KCNAB1: variants seen among roughly 807,000 people sequenced by gnomAD.
The protein encoded by KCNAB1 is voltage-gated potassium channel subunit beta-1.
Under a neutral mutation model 64.6 loss-of-function variants are expected in KCNAB1, and 35 were observed. The observed-to-expected ratio is 0.54, with a 90% CI of 0.41 to 0.72. The LOEUF (loss-of-function observed/expected upper bound fraction) is 0.72. KCNAB1 is among the 30% of genes least tolerant of loss of function. The pLI, the probability that KCNAB1 is intolerant of heterozygous loss-of-function variation, is 0.00. For synonymous variants in KCNAB1, 177 were observed against 183.8 expected, an observed-to-expected ratio of 0.96 and a Z score of 0.30; for missense variants, 401 against 512.9, an observed-to-expected ratio of 0.78 and a Z score of 2.11.
At chr3:156,391,308 G>A (rs184955223) in intron 1 of KCNAB1, among the ~76,000 whole-genome samples, 43 of 152,076 alleles carry the variant, frequency 2.8e-4, no homozygotes, top group African/African-American at 8.9e-4. Flanking sequence ...ATCTACATCC[G>A]AGATTAACTA....
chr3:156,281,672 C>T (rs1576673860), intron 1 of KCNAB1, among the ~76,000 whole-genome samples: 2 of 152,012 alleles, frequency 1.3e-5, no homozygotes, highest in East Asian at 3.9e-4. Context: ...AGAGATTCAA[C>T]TTCTTCCTGG....
intron 8 of KCNAB1, among the ~76,000 whole-genome samples, chr3:156,490,472 A>T (rs1284888045): frequency 6.6e-6 from 1 of 152,124 alleles, no homozygotes. Flanking sequence ...TGTTCAAAGA[A>T]ACTATAATAT....
chr3:156,137,218 AT>A (rs1714398405), intron 1 of KCNAB1, among the ~76,000 whole-genome samples: 1 of 71,372 alleles, frequency 1.4e-5, no homozygotes, highest in Non-Finnish European at 2.9e-5. Context: ...TGTATCATAC[AT>A]TGGTGGGGGG....
At chr3:156,334,258 C>T (rs539604136) in intron 1 of KCNAB1, among the ~76,000 whole-genome samples, 27 of 152,306 alleles carry the variant, frequency 1.8e-4, no homozygotes, top group Admixed American at 9.2e-4. Flanking sequence ...AATAGAAATA[C>T]AGAGTTAAGT....
At chr3:156,403,135 G>A (rs1381928724) in intron 1 of KCNAB1, among the ~76,000 whole-genome samples, 1 of 152,110 alleles carries the variant, frequency 6.6e-6, no homozygotes, top group Non-Finnish European at 1.5e-5. Flanking sequence ...CATCTCTTCT[G>A]ATTTAAAAGG....
At chr3:156,340,817 T>C (rs1724055749) in intron 1 of KCNAB1, among the ~76,000 whole-genome samples, 1 of 152,202 alleles carries the variant, frequency 6.6e-6, no homozygotes, top group Non-Finnish European at 1.5e-5. Context: ...TATTGCTATG[T>C]CTTTATTGGC....
chr3:156,426,599 A>G (rs1254131236), intron 2 of KCNAB1, among the ~76,000 whole-genome samples: 1 of 152,160 alleles, frequency 6.6e-6, no homozygotes, highest in African/African-American at 2.4e-5. Context: ...GAATAGTTTC[A>G]CTGCTCTAAA....
chr3:156,471,397 A>T (rs553421996), intron 7 of KCNAB1, among the ~76,000 whole-genome samples: 2 of 152,102 alleles, frequency 1.3e-5, no homozygotes. Context: ...ATTTTCTTTG[A>T]GTAATTTATT....
At chr3:156,173,881 A>G (rs1260336060) in intron 1 of KCNAB1, among the ~76,000 whole-genome samples, 1 of 152,194 alleles carries the variant, frequency 6.6e-6, no homozygotes, top group East Asian at 1.9e-4. Flanking sequence ...TGAATAGAAC[A>G]AAAGATGGAG....
chr3:156,425,362 G>T (rs1281954590), intron 2 of KCNAB1, among the ~76,000 whole-genome samples: 1 of 152,194 alleles, frequency 6.6e-6, no homozygotes, highest in Non-Finnish European at 1.5e-5. Flanking sequence ...ATGTGTAAAT[G>T]GGAGTAGAAA....
intron 3 of KCNAB1, among the ~76,000 whole-genome samples, chr3:156,456,691 G>A (rs926936604): frequency 3.9e-5 from 6 of 152,236 alleles, no homozygotes; most frequent in Non-Finnish European, 5.9e-5. Context: ...TTTTTCAAAT[G>A]ACTAGTAAGT....
intron 1 of KCNAB1, chr3:156,291,891 C>T (rs778411838): frequency 6.2e-7 from 1 of 1,613,614 alleles, no homozygotes; most frequent in Non-Finnish European, 8.5e-7. Flanking sequence ...AGGGACCGTG[C>T]GCTGCCTGGG....
intron 1 of KCNAB1, among the ~76,000 whole-genome samples, chr3:156,339,396 T>C (rs1723947538): frequency 6.6e-6 from 1 of 152,146 alleles, no homozygotes; most frequent in African/African-American, 2.4e-5. Flanking sequence ...AAGTGCCTAC[T>C]CTGTGTTTAT....
chr3:156,468,150 T>C (rs1340642287), intron 7 of KCNAB1, among the ~76,000 whole-genome samples: 1 of 152,192 alleles, frequency 6.6e-6, no homozygotes, highest in Non-Finnish European at 1.5e-5. Flanking sequence ...CATTTGAGTA[T>C]TTTTATTCCA....
chr3:156,147,815 T>C (rs1174079022), intron 1 of KCNAB1, among the ~76,000 whole-genome samples: 2 of 152,070 alleles, frequency 1.3e-5, no homozygotes, highest in East Asian at 3.9e-4. Flanking sequence ...TAGCATGAGG[T>C]TGCACTTCTA....
At chr3:156,247,068 G>GA (rs1030175905) in intron 1 of KCNAB1, among the ~76,000 whole-genome samples, 7 of 151,378 alleles carry the variant, frequency 4.6e-5, no homozygotes, top group Admixed American at 1.3e-4. Context: ...GATTGACTGG[G>GA]AAAAAAAAAC....
chr3:156,406,309 C>A (rs943506486), intron 1 of KCNAB1, among the ~76,000 whole-genome samples: 5 of 152,136 alleles, frequency 3.3e-5, no homozygotes, highest in African/African-American at 9.7e-5. Flanking sequence ...TTCCCCAGCT[C>A]CTTGGTCAGT....
chr3:156,531,870 T>C (rs925271233), intron 13 of KCNAB1, among the ~76,000 whole-genome samples: 1 of 152,236 alleles, frequency 6.6e-6, no homozygotes, highest in African/African-American at 2.4e-5. Flanking sequence ...GCCCACCTGC[T>C]GTGTGCTGAG....
At chr3:156,517,391 C>G (rs1717630694) in intron 11 of KCNAB1, among the ~76,000 whole-genome samples, 1 of 152,158 alleles carries the variant, frequency 6.6e-6, no homozygotes, top group Non-Finnish European at 1.5e-5. Flanking sequence ...CGTCCTAAAG[C>G]CTGATGACAT....
Sources: gnomAD v4.1 joint callset for allele counts (sites outside exome capture counted in the v4.1 genomes callset) on GRCh38, gnomAD v4.1.1 for gene constraint, MANE v1.5 for transcripts, NCBI Gene and HGNC (gene_info 2026-07-23, HGNC 2026-07-21) for gene names.